The following UBE2O variants were observed in gnomAD, a reference collection of about 807,000 sequenced individuals.
UBE2O encodes ubiquitin conjugating enzyme E2 O.
In UBE2O, 15 loss-of-function variants were observed where a neutral mutation model predicts 125.8. The ratio of observed to expected loss-of-function variants is 0.12; its 90% CI spans 0.08 to 0.18. UBE2O has a LOEUF of 0.18. Among genes scored for constraint, UBE2O ranks in the 10% least tolerant of loss-of-function variants. UBE2O has a pLI of 1.00. For synonymous variants in UBE2O, 708 were observed against 703.2 expected (o/e 1.01, Z -0.11); for missense variants, 1,280 against 1,723.6 (o/e 0.74, Z 4.56).
At position 76,443,150 on chromosome 17, in the gene UBE2O, T is replaced by C. The variant is rs1401434290; in HGVS notation, c.417+9575A>G. Among the ~76,000 whole-genome samples, 3 of 152,138 alleles carry C rather than the reference T, an allele frequency of 2.0e-5. No individual in the cohort carries two copies. The East Asian group carries it at 5.8e-4, about 29-fold the overall frequency. On this transcript the variant is annotated intron_variant, in intron 1 of 17. Transcript: ENST00000319380. ...TACAGATAAGGCAAATATGGCAGGATGTTAACAACTGCTGACTCATAATGG... is the reference window on the plus strand; with the variant it reads ...TACAGATAAGGCAAATATGGCAGGACGTTAACAACTGCTGACTCATAATGG...
chr17:76,440,500 G>C (rs2073062212), intron 1 of UBE2O, among the ~76,000 whole-genome samples: 1 of 152,168 alleles, frequency 6.6e-6, no homozygotes, highest in Non-Finnish European at 1.5e-5. Flanking sequence ...GATGATTTCT[G>C]TACTTTTTGA....
In UBE2O at chr17:76,402,181, A is replaced by T; in HGVS notation, c.687-54T>A. 1 of 1,579,646 alleles carries T rather than the reference A, an allele frequency of 6.3e-7. No individual in the cohort carries two copies. The highest frequency in any genetic ancestry group is 1.8e-5 in the Admixed American group (1 of 56,240). ...CACCAGGGGACACAGTGAGTACCAA[A>T]AAGTTGCGATTCTGAGATGCCAATG... On this transcript the variant is annotated intron_variant, in intron 4 of 17. Transcript: ENST00000319380. The surrounding 1 kb of genome is among the most constrained non-coding windows in gnomAD (Gnocchi z 5.4).
At chr17:76,451,445 T>A (rs1009691017) in intron 1 of UBE2O, among the ~76,000 whole-genome samples, 2 of 152,206 alleles carry the variant, frequency 1.3e-5, no homozygotes, top group Admixed American at 1.3e-4. Context: ...TGTGGATGTA[T>A]GTGCATCCCC....
intron 1 of UBE2O, among the ~76,000 whole-genome samples, chr17:76,414,342 T>C (rs892578072): frequency 2.0e-5 from 3 of 152,170 alleles, no homozygotes; most frequent in African/African-American, 4.8e-5. Context: ...TAATTAAGAA[T>C]GGGAATTAGC....
chr17:76,401,185 C>T (rs999615704), intron 5 of UBE2O, 31 bp from the exon 6 acceptor site: 35 of 1,609,588 alleles, frequency 2.2e-5, no homozygotes, highest in Non-Finnish European at 2.8e-5. Context: ...GGAAAGTCCC[C>T]GTGAGCGGTG....
Position 76,391,984 on chromosome 17 carries a change from T to C in UBE2O, c.3076A>G (p.Ser1026Gly). The change falls in exon 16 of 18, where the codon AGT becomes GGT. Residue 1026 changes from serine to glycine, a missense_variant. By Grantham distance (56) the Ser-to-Gly change is moderately conservative. Around this residue, in one of 10 missense-constraint regions of UBE2O, gnomAD observed 37 missense variants for 115.6 expected, o/e 0.32. Transcript: ENST00000319380. This position sits in a 1 kb window ranked among gnomAD's most constrained non-coding sequence, Gnocchi z 8.4. The stretch of plus-strand genomic sequence containing the variant: ...TACAGGTTGGGGTTCAGGCGGCCAC[T>C]GCATTGGGAGAGGTAGCAGAAGTGG... Reference protein sequence around the residue: ...PPHFCYLSQCSGRLNPNLYDN... With the variant: ...PPHFCYLSQCGGRLNPNLYDN... 1 of 1,606,472 alleles carries C rather than the reference T, an allele frequency of 6.2e-7. No homozygotes were observed.
At position 76,402,546 on chromosome 17, in the gene UBE2O, T is replaced by A; in HGVS notation, c.686+56A>T. The A allele has an allele frequency of 6.7e-7, 1 of 1,484,508 alleles. No individual in the cohort carries two copies. The highest frequency in any genetic ancestry group is 1.1e-5 in the South Asian group (1 of 88,350). The allele number at this position is 1,484,508 out of a possible 1,614,324, so 92.0% of individuals were successfully genotyped here. A position where few individuals can be genotyped will look rare whatever the true frequency, so the allele number is the denominator to read the frequency against. On this transcript the variant is annotated intron_variant, in intron 4 of 17. Transcript: ENST00000319380. The surrounding 1 kb of genome is among the most constrained non-coding windows in gnomAD (Gnocchi z 5.4). ...AGGAGGAAACACCCTCCTCCTCCCC[T>A]CTTTCCAAGAGGCTATCCTTCCCAA...
intron 5 of UBE2O, chr17:76,401,819 T>C (rs2072330820): frequency 3.4e-6 from 1 of 290,802 alleles, no homozygotes; most frequent in East Asian, 5.9e-5. Context: ...GAGGTTGCAG[T>C]GAGCCGAGAT....
intron 1 of UBE2O, among the ~76,000 whole-genome samples, chr17:76,419,122 GAT>G (rs1491322552): frequency 3.2e-5 from 1 of 31,448 alleles, no homozygotes. Context: ...TATCTCTACA[GAT>G]TTTTTTTTTT....
Position 76,399,886 on chromosome 17 carries a change from G to A in UBE2O, c.1191C>T (p.Ile397=). 6.2e-7 allele frequency: 1 copy of A among 1,611,812 alleles called. No homozygotes were observed. The highest frequency in any genetic ancestry group is 1.1e-5 in the South Asian group (1 of 90,608). The change falls in exon 9 of 18, where the codon ATC becomes ATT. Residue 397 remains isoleucine (I), a synonymous_variant. Transcript: ENST00000319380. This position sits in a 1 kb window ranked among gnomAD's most constrained non-coding sequence, Gnocchi z 6.9. ...KRLLKKQVVR[I]MSCSPDTQCS... ...ACTGGGTGTCTGGGGAGCATGACAT[G>A]ATCCGCACAACCTGCTTCTTCAACA...
rs1435125984 is a variant in UBE2O at position 76,398,762 on chromosome 17, C to G, written c.1783+75G>C. 2 of 1,565,662 alleles carry G rather than the reference C, an allele frequency of 1.3e-6. No homozygotes were observed. Among genetic ancestry groups the G allele is most frequent in the Non-Finnish European group, 1.7e-6 (2 of 1,151,796 alleles). On this transcript the variant is annotated intron_variant, in intron 10 of 17. Transcript: ENST00000319380. This position sits in a 1 kb window ranked among gnomAD's most constrained non-coding sequence, Gnocchi z 5.4. ...TTAGCTCTGACCCCAGATCCACTGC[C>G]CATTCTCCACAAGCCCCAACCCGGG...
intron 1 of UBE2O, among the ~76,000 whole-genome samples, chr17:76,436,197 A>T (rs1025273454): frequency 1.3e-5 from 2 of 152,178 alleles, no homozygotes; most frequent in African/African-American, 4.8e-5. Context: ...CAGTGAGCCG[A>T]GATAGCACCA....
chr17:76,443,438 A>T lies in UBE2O; in HGVS notation c.417+9287T>A, dbSNP rs763126326. 3.9e-5 allele frequency among the ~76,000 whole-genome samples: 6 copies of T among 152,122 alleles called. No individual in the cohort carries two copies. In the Middle Eastern group the frequency reaches 0.017, roughly 431 times the overall value. On this transcript the variant is annotated intron_variant, in intron 1 of 17. Coordinates refer to ENST00000319380, the MANE Select transcript of UBE2O (RefSeq NM_022066.4). ...CGAGTAGCTGGGATCACAGGCACCCACCACCACGCATGGCTAATTTTTGCA... is the reference window on the plus strand; with the variant it reads ...CGAGTAGCTGGGATCACAGGCACCCTCCACCACGCATGGCTAATTTTTGCA...
At position 76,447,945 on chromosome 17, in the gene UBE2O, C is replaced by T. The variant is rs1437637973; in HGVS notation, c.417+4780G>A. Reference sequence around the variant, plus strand: ...TCCTAGGCTTGACCCAGCTACACTTCTGGTTATTCCATCCGAGCAGGATCA... The same window carrying T: ...TCCTAGGCTTGACCCAGCTACACTTTTGGTTATTCCATCCGAGCAGGATCA... On this transcript the variant is annotated intron_variant, in intron 1 of 17. Transcript: ENST00000319380. 2.0e-5 allele frequency among the ~76,000 whole-genome samples: 3 copies of T among 152,212 alleles called. No individual in the cohort carries two copies. The South Asian group carries it at 6.2e-4, about 31-fold the overall frequency.
In UBE2O at chr17:76,400,894, G is replaced by T. The variant is rs2072311149; in HGVS notation, c.894+117C>A. The T allele has an allele frequency of 7.9e-7, 1 of 1,269,788 alleles. No homozygotes were observed. The highest frequency in any genetic ancestry group is 1.1e-6 in the Non-Finnish European group (1 of 922,184). The allele number at this position is 1,269,788 out of a possible 1,614,324, so 78.7% of individuals were successfully genotyped here. On this transcript the variant is annotated intron_variant, in intron 6 of 17. Transcript: ENST00000319380. The surrounding 1 kb of genome is among the most constrained non-coding windows in gnomAD (Gnocchi z 4.3). ...CCCAAAGCCCTTTGAGATCAACAGGGTCCAGATGCTGAGGAGCGGGGCTCA... is the reference window on the plus strand; with the variant it reads ...CCCAAAGCCCTTTGAGATCAACAGGTTCCAGATGCTGAGGAGCGGGGCTCA...
intron 1 of UBE2O, among the ~76,000 whole-genome samples, chr17:76,425,856 C>T (rs2072802072): frequency 6.6e-6 from 1 of 152,028 alleles, no homozygotes. Flanking sequence ...TGCAGAATTC[C>T]ATCCTGTCTC....
Position 76,398,914 on chromosome 17 carries a change from C to T in UBE2O, c.1706G>A (p.Arg569His), listed in dbSNP as rs981253008. ...GTGCACAGGGAAGAGGTCGTTGGAG[C>T]GGATGTTGCATTCCACGGAGCCATC... is the stretch of plus-strand genomic sequence containing the variant. The part of the protein sequence containing the change: ...WQDGSVECNI[R>H]SNDLFPVHHL... The change falls in exon 10 of 18, where the codon CGC (arginine) becomes CAC (histidine). Residue 569 changes from arginine to histidine, a missense_variant. Arg to His is a conservative substitution (Grantham distance 29). Around this residue, in one of 10 missense-constraint regions of UBE2O, gnomAD observed 145 missense variants for 219.6 expected, o/e 0.66. Coordinates refer to ENST00000319380, the MANE Select transcript of UBE2O (RefSeq NM_022066.4). The surrounding 1 kb of genome is among the most constrained non-coding windows in gnomAD (Gnocchi z 5.4). The T allele has an allele frequency of 2.5e-6, 4 of 1,614,026 alleles. No individual in the cohort carries two copies. The highest frequency in any genetic ancestry group is 1.1e-5 in the South Asian group (1 of 91,086).
intron 1 of UBE2O, among the ~76,000 whole-genome samples, chr17:76,447,578 C>T (rs2073170936): frequency 6.6e-6 from 1 of 152,210 alleles, no homozygotes; most frequent in East Asian, 1.9e-4. Context: ...CATACAGATT[C>T]ATTCCATCCC....
intron 1 of UBE2O, among the ~76,000 whole-genome samples, chr17:76,428,902 AT>A (rs935968445): frequency 0.029 from 3,890 of 136,080 alleles, 63 homozygotes; most frequent in African/African-American, 0.058. Flanking sequence ...CCCCTCTACT[AT>A]TTTTTTTTTT....
Sources: gnomAD v4.1 joint callset for allele counts (sites outside exome capture counted in the v4.1 genomes callset) on GRCh38, gnomAD v4.1.1 for gene constraint, gnomAD v4.1.1 regional missense constraint, Gnocchi (gnomAD v3.1) non-coding constraint, MANE v1.5 for transcripts, NCBI Gene and HGNC (gene_info 2026-07-23, HGNC 2026-07-21) for gene names.